Variants in IL1RAP observed in about 807,000 individuals in gnomAD.
IL1RAP encodes interleukin 1 receptor accessory protein, also known as interleukin-1 receptor accessory protein.
In IL1RAP, 35 loss-of-function variants were observed where a neutral mutation model predicts 60.7. That is an observed-to-expected ratio of 0.58 (90% CI 0.44 to 0.76). The LOEUF is 0.76. IL1RAP is among the 30% of genes least tolerant of loss of function. The probability of loss-of-function intolerance (pLI) is 0.00; values close to 1 mark genes in which losing one functional copy is unlikely to be tolerated. For synonymous variants in IL1RAP, 268 were observed against 250.9 expected (o/e 1.07, Z -0.64); for missense variants, 572 against 693.9 (o/e 0.82, Z 1.97).
At position 190,648,506 on chromosome 3, in the gene IL1RAP, C is replaced by A. The variant is rs963263941; in HGVS notation, c.1514C>A (p.Ala505Asp). 1 of 1,613,902 alleles carries A rather than the reference C, an allele frequency of 6.2e-7. No homozygotes were observed. Among genetic ancestry groups the A allele is most frequent in the African/African-American group, 1.3e-5 (1 of 74,882 alleles). ...AACGTCATTTTAGTACAGTACAAAG[C>A]TGTGAAGGAAACGAAGGTGAAAGAG... ...NINVILVQYK[A>D]VKETKVKELK... The change falls in exon 12 of 12, where the codon GCT becomes GAT. Residue 505 changes from alanine to aspartate, a missense_variant. Transcript: ENST00000447382.
chr3:190,531,031 T>C (rs949248272), intron 1 of IL1RAP, among the ~76,000 whole-genome samples: 13 of 152,224 alleles, frequency 8.5e-5, no homozygotes, highest in South Asian at 2.1e-4. Context: ...TCCATTTCGC[T>C]CTATGCACCA....
chr3:190,532,585 A>G (rs1359707476), intron 1 of IL1RAP, among the ~76,000 whole-genome samples: 1 of 152,138 alleles, frequency 6.6e-6, no homozygotes, highest in African/African-American at 2.4e-5. Context: ...CTGTCCACCA[A>G]TAAGGAAATT....
At chr3:190,570,150 A>C (rs114230622) in intron 3 of IL1RAP, among the ~76,000 whole-genome samples, 1,626 of 152,330 alleles carry the variant, frequency 0.011, 37 homozygotes, top group African/African-American at 0.038. Context: ...GCCATCTCTC[A>C]TTTATTTTTG....
At chr3:190,630,322 C>A in intron 9 of IL1RAP, 2 of 412,094 alleles carry the variant, frequency 4.9e-6, no homozygotes, top group Non-Finnish European at 6.5e-6. Flanking sequence ...TGTCTCTCAC[C>A]TAACACAGAA....
At chr3:190,636,111 TA>T (rs916063199) in intron 9 of IL1RAP, among the ~76,000 whole-genome samples, 13 of 151,538 alleles carry the variant, frequency 8.6e-5, no homozygotes, top group East Asian at 3.9e-4. Flanking sequence ...TATTGGTACT[TA>T]AAAAAAAAGT....
chr3:190,649,231 A>C lies in IL1RAP; in HGVS notation c.*526A>C. On this transcript the variant is annotated 3_prime_UTR_variant, in exon 12 of 12. Coordinates refer to ENST00000447382, the MANE Select transcript of IL1RAP (RefSeq NM_002182.4). ...AATACATAACCACAGCAAGACTGAC[A>C]TCCACTTAGGATGATACAAAGCAGT... 1.0e-6 allele frequency: 1 copy of C among 986,004 alleles called. No individual in the cohort carries two copies. Among genetic ancestry groups the C allele is most frequent in the South Asian group, 4.7e-5 (1 of 21,310 alleles). The allele number at this position is 986,004 out of a possible 1,614,324, so 61.1% of individuals were successfully genotyped here. A position where few individuals can be genotyped will look rare whatever the true frequency, so the allele number is the denominator to read the frequency against.
rs961445802 is a variant in IL1RAP at position 190,650,216 on chromosome 3, T to G, written c.*1511T>G. 8.2e-5 allele frequency: 81 copies of G among 984,600 alleles called. No individual in the cohort carries two copies. Among genetic ancestry groups the G allele is most frequent in the Non-Finnish European group, 9.5e-5 (79 of 829,288 alleles). 61.0% of individuals were successfully genotyped at this position (984,600 alleles called of 1,614,324 possible). A position where few individuals can be genotyped will look rare whatever the true frequency, so the allele number is the denominator to read the frequency against. On this transcript the variant is annotated 3_prime_UTR_variant, in exon 12 of 12. Transcript: ENST00000447382. ...GTGTCAGTGTTTTCTGTACATATTA[T>G]TTGTTAATTCACAGCTCACAGAGTG...
At chr3:190,558,594 G>C (rs997373498) in intron 2 of IL1RAP, among the ~76,000 whole-genome samples, 4 of 152,154 alleles carry the variant, frequency 2.6e-5, no homozygotes, top group African/African-American at 9.7e-5. Flanking sequence ...TTTTGGTAAA[G>C]TGTTTCTTTA....
intron 3 of IL1RAP, among the ~76,000 whole-genome samples, chr3:190,596,586 C>T (rs1428027150): frequency 1.3e-5 from 2 of 152,176 alleles, no homozygotes; most frequent in Non-Finnish European, 2.9e-5. Flanking sequence ...TCCTCTGTGC[C>T]ACCAAGTCTC....
At chr3:190,585,540 G>C (rs1728377288) in intron 3 of IL1RAP, among the ~76,000 whole-genome samples, 1 of 152,174 alleles carries the variant, frequency 6.6e-6, no homozygotes. Flanking sequence ...GGCTGGGCAT[G>C]GTGGCTCACG....
At chr3:190,644,051 T>C (rs1007872457) in intron 9 of IL1RAP, 197 bp from the exon 10 acceptor site, 4 of 805,152 alleles carry the variant, frequency 5.0e-6, no homozygotes, top group Non-Finnish European at 6.0e-6. Context: ...CTATGCCAGG[T>C]GCTGGAAACA....
At chr3:190,629,238 C>T in intron 8 of IL1RAP, 112 bp from the exon 9 acceptor site, 1 of 692,570 alleles carries the variant, frequency 1.4e-6, no homozygotes, top group Admixed American at 3.1e-5. Context: ...ATCAACCTTC[C>T]TCGCCCTCAC....
intron 3 of IL1RAP, among the ~76,000 whole-genome samples, chr3:190,590,146 C>T (rs1200081182): frequency 6.6e-6 from 1 of 152,060 alleles, no homozygotes. Flanking sequence ...TCTTATTTAC[C>T]GCTAACAACA....
chr3:190,530,151 A>G (rs978346643), intron 1 of IL1RAP, among the ~76,000 whole-genome samples: 1 of 152,326 alleles, frequency 6.6e-6, no homozygotes, highest in South Asian at 2.1e-4. Context: ...GAAGGAGGGA[A>G]ACAGGAACCT....
chr3:190,535,168 A>G (rs950521314), intron 1 of IL1RAP, among the ~76,000 whole-genome samples: 2 of 152,138 alleles, frequency 1.3e-5, no homozygotes, highest in Admixed American at 1.3e-4. Context: ...CATTCAGTTT[A>G]CTCATTTGAC....
intron 1 of IL1RAP, among the ~76,000 whole-genome samples, chr3:190,553,594 G>C (rs905080529): frequency 6.6e-6 from 1 of 152,154 alleles, no homozygotes; most frequent in Non-Finnish European, 1.5e-5. Context: ...CCCCAGCCGG[G>C]ATGGGACGGG....
At chr3:190,522,204 T>A (rs2108602039) in intron 1 of IL1RAP, among the ~76,000 whole-genome samples, 3 of 152,202 alleles carry the variant, frequency 2.0e-5, no homozygotes, top group Admixed American at 2.0e-4. Context: ...CAGGCTGGGT[T>A]TGAATTCTAG....
At chr3:190,534,186 T>C (rs2108543976) in intron 1 of IL1RAP, among the ~76,000 whole-genome samples, 1 of 152,096 alleles carries the variant, frequency 6.6e-6, no homozygotes, top group East Asian at 1.9e-4. Flanking sequence ...TACCGATCGG[T>C]GCTGCAACTA....
intron 1 of IL1RAP, among the ~76,000 whole-genome samples, chr3:190,529,097 C>G (rs563919362): frequency 6.6e-6 from 1 of 152,282 alleles, no homozygotes; most frequent in African/African-American, 2.4e-5. Flanking sequence ...CTGGATGTGA[C>G]GTGGAAAAGG....
Sources: gnomAD v4.1 joint callset for allele counts (sites outside exome capture counted in the v4.1 genomes callset) on GRCh38, gnomAD v4.1.1 for gene constraint, MANE v1.5 for transcripts, NCBI Gene and HGNC (gene_info 2026-07-23, HGNC 2026-07-21) for gene names.